Variants in CAMK1D observed in about 807,000 individuals in gnomAD.
CAMK1D encodes the protein calcium/calmodulin dependent protein kinase ID.
In CAMK1D, 9 loss-of-function variants were observed where a neutral mutation model predicts 47.7. The ratio of observed to expected loss-of-function variants is 0.19; its 90% CI spans 0.11 to 0.33. The LOEUF (loss-of-function observed/expected upper bound fraction) is 0.33. Ranked by LOEUF, CAMK1D falls within the 10% of genes least tolerant of loss-of-function variation. The pLI is 1.00. For synonymous variants in CAMK1D, 184 were observed against 184.9 expected (o/e 0.99, Z 0.04); for missense variants, 291 against 488.7 (o/e 0.60, Z 3.81).
intron 5 of CAMK1D, among the ~76,000 whole-genome samples, chr10:12,782,274 T>G (rs1340866554): frequency 6.6e-6 from 1 of 152,178 alleles, no homozygotes; most frequent in Non-Finnish European, 1.5e-5. Context: ...TAAAAGTCCC[T>G]CATTGTCTTA....
chr10:12,622,416 G>A lies in CAMK1D; in HGVS notation c.225-44320G>A, dbSNP rs190962553. On this transcript the variant is annotated intron_variant, in intron 2 of 10. Coordinates refer to ENST00000619168, the MANE Select transcript of CAMK1D (RefSeq NM_153498.4). ...TTTTCCAGCTCTGTATCTTGGATACGGGAGGCAGAAAGTAAACTCAGGGGT... is the reference window on the plus strand; with the variant it reads ...TTTTCCAGCTCTGTATCTTGGATACAGGAGGCAGAAAGTAAACTCAGGGGT... Among the ~76,000 whole-genome samples, 470 of 152,082 alleles carry A rather than the reference G, an allele frequency of 3.1e-3. 4 individuals are homozygous for A. The highest frequency in any genetic ancestry group is 1.7e-3 in the East Asian group (9 of 5,168).
intron 1 of CAMK1D, among the ~76,000 whole-genome samples, chr10:12,438,202 C>G (rs891012475): frequency 2.6e-5 from 4 of 152,182 alleles, no homozygotes; most frequent in African/African-American, 9.6e-5. Flanking sequence ...CCATGCTTGG[C>G]AAAGTGCAAT....
intron 1 of CAMK1D, among the ~76,000 whole-genome samples, chr10:12,506,152 C>A (rs1319323280): frequency 6.6e-6 from 1 of 152,154 alleles, no homozygotes; most frequent in African/African-American, 2.4e-5. Context: ...GGCATAGTGG[C>A]TCATGCCTGT....
intron 3 of CAMK1D, among the ~76,000 whole-genome samples, chr10:12,685,098 C>T (rs560365117): frequency 5.3e-5 from 8 of 152,286 alleles, no homozygotes; most frequent in East Asian, 3.9e-4. Flanking sequence ...GTCAAGAGTT[C>T]GAGACCAGTA....
intron 2 of CAMK1D, among the ~76,000 whole-genome samples, chr10:12,599,685 T>C (rs533321707): frequency 6.6e-6 from 1 of 152,342 alleles, no homozygotes; most frequent in South Asian, 2.1e-4. Context: ...CATGAAGAGA[T>C]GCTGGTGTTT....
rs117634716 is a variant in CAMK1D, at chr10:12,385,717, T to C, written c.92+35807T>C. Among the ~76,000 whole-genome samples, 632 of 151,088 alleles carry C rather than the reference T, an allele frequency of 4.2e-3. 10 individuals carry two copies. In the East Asian group the frequency reaches 0.057, roughly 14 times the overall value. On this transcript the variant is annotated intron_variant, in intron 1 of 10. Transcript: ENST00000619168. ...TGGTCATTACACAGTTCTGTAATTA[T>C]ACTGAGAACCATTGAATTGTACTTT...
intron 5 of CAMK1D, among the ~76,000 whole-genome samples, chr10:12,774,358 A>G (rs547287658): frequency 1.3e-5 from 2 of 152,236 alleles, no homozygotes; most frequent in South Asian, 4.1e-4. Flanking sequence ...AGAACCGACC[A>G]TGCAGGTATC....
At chr10:12,606,361 G>T (rs1838462580) in intron 2 of CAMK1D, among the ~76,000 whole-genome samples, 1 of 152,196 alleles carries the variant, frequency 6.6e-6, no homozygotes, top group South Asian at 2.1e-4. Flanking sequence ...CCACTGTCCT[G>T]ACCTGCCTAC....
intron 3 of CAMK1D, among the ~76,000 whole-genome samples, chr10:12,680,575 G>A (rs1840957539): frequency 6.6e-6 from 1 of 152,162 alleles, no homozygotes; most frequent in South Asian, 2.1e-4. Context: ...TCATCTCTTT[G>A]AATCCTTGGA....
intron 3 of CAMK1D, among the ~76,000 whole-genome samples, chr10:12,704,191 A>G (rs897753607): frequency 6.6e-6 from 1 of 152,248 alleles, no homozygotes; most frequent in Admixed American, 6.5e-5. Context: ...CTTTTTAAAT[A>G]TAATTTTAAG....
intron 5 of CAMK1D, among the ~76,000 whole-genome samples, chr10:12,788,607 C>T (rs139271384): frequency 2.6e-5 from 4 of 152,344 alleles, no homozygotes; most frequent in South Asian, 2.1e-4. Context: ...TTGCTTCTCA[C>T]GCCTCTGTGC....
At chr10:12,729,079 G>C (rs1834777020) in intron 3 of CAMK1D, among the ~76,000 whole-genome samples, 1 of 152,200 alleles carries the variant, frequency 6.6e-6, no homozygotes, top group Admixed American at 6.5e-5. Flanking sequence ...GCGTCATGCT[G>C]TCCTTTGTGC....
At chr10:12,637,407 C>T (rs577002889) in intron 2 of CAMK1D, among the ~76,000 whole-genome samples, 6 of 152,210 alleles carry the variant, frequency 3.9e-5, no homozygotes, top group African/African-American at 1.4e-4. Flanking sequence ...TAGGTCCCTT[C>T]AGTGTTGCGA....
intron 1 of CAMK1D, among the ~76,000 whole-genome samples, chr10:12,549,262 T>G (rs1057217485): frequency 1.3e-5 from 2 of 152,226 alleles, no homozygotes; most frequent in Non-Finnish European, 2.9e-5. Flanking sequence ...ACTTTCTTTC[T>G]CTATGAATTT....
chr10:12,617,411 T>C (rs960795290), intron 2 of CAMK1D, among the ~76,000 whole-genome samples: 1 of 152,182 alleles, frequency 6.6e-6, no homozygotes, highest in African/African-American at 2.4e-5. Context: ...AATATCCCCA[T>C]TCATCTCTTC....
Position 12,377,757 on chromosome 10 carries a change from G to T in CAMK1D, c.92+27847G>T, listed in dbSNP as rs1455597063. On this transcript the variant is annotated intron_variant, in intron 1 of 10. Transcript: ENST00000619168. ...CGCACATGGGAAAATTAAAAATCTC[G>T]AACACCCAGTCTCTTAAGACAGATG... Among the ~76,000 whole-genome samples, 5 of 152,084 alleles carry T rather than the reference G, an allele frequency of 3.3e-5. No homozygotes were observed. The East Asian group carries it at 7.7e-4, about 23-fold the overall frequency.
intron 1 of CAMK1D, among the ~76,000 whole-genome samples, chr10:12,379,835 G>A (rs557743428): frequency 2.6e-5 from 4 of 152,174 alleles, no homozygotes; most frequent in East Asian, 1.9e-4. Context: ...GGCCAGATAC[G>A]ACTCTACTCC....
intron 2 of CAMK1D, among the ~76,000 whole-genome samples, chr10:12,571,453 C>CAAAA (rs766454210): frequency 5.6e-5 from 5 of 89,686 alleles, no homozygotes; most frequent in Non-Finnish European, 1.0e-4. Flanking sequence ...GACTCCATCA[C>CAAAA]AAAAAAAAAA....
At chr10:12,521,227 ATCTT>A (rs1457186889) in intron 1 of CAMK1D, among the ~76,000 whole-genome samples, 1 of 151,718 alleles carries the variant, frequency 6.6e-6, no homozygotes, top group Non-Finnish European at 1.5e-5. Context: ...TTGATTTTAG[ATCTT>A]TCTTATTTCT....
Sources: gnomAD v4.1 joint callset for allele counts (sites outside exome capture counted in the v4.1 genomes callset) on GRCh38, gnomAD v4.1.1 for gene constraint, MANE v1.5 for transcripts, NCBI Gene and HGNC (gene_info 2026-07-23, HGNC 2026-07-21) for gene names.